The following ADGRL3 variants were observed in gnomAD, a reference collection of about 807,000 sequenced individuals.
ADGRL3 encodes calcium-independent alpha-latrotoxin receptor 3.
A neutral mutation model predicts 153.5 loss-of-function variants in ADGRL3; 62 were observed. The ratio of observed to expected loss-of-function variants is 0.40; its 90% confidence interval spans 0.33 to 0.50. The LOEUF is 0.50. ADGRL3 is among the 20% of genes least tolerant of loss of function. ADGRL3 has a pLI of 0.47. For synonymous variants in ADGRL3, 710 were observed against 672.5 expected (o/e 1.06, Z -0.86); for missense variants, 1,641 against 1,859.4 (o/e 0.88, Z 2.16).
intron 17 of ADGRL3, among the ~76,000 whole-genome samples, chr4:61,949,587 C>T (rs1302986606): frequency 1.3e-5 from 2 of 151,742 alleles, no homozygotes; most frequent in Non-Finnish European, 2.9e-5. Context: ...CCCAGCTACT[C>T]GGGAGGCTGA....
chr4:61,474,179 T>G (rs2098011541), intron 2 of ADGRL3, among the ~76,000 whole-genome samples: 1 of 152,206 alleles, frequency 6.6e-6, no homozygotes, highest in African/African-American at 2.4e-5. Context: ...GCACTGAGAA[T>G]GTAAGACAAC....
chr4:61,568,280 A>G (rs1056416628), intron 4 of ADGRL3, among the ~76,000 whole-genome samples: 4 of 152,114 alleles, frequency 2.6e-5, no homozygotes, highest in African/African-American at 9.7e-5. Flanking sequence ...CAAAATAAGA[A>G]TTATGATAAT....
rs767390849 is a variant in ADGRL3, at chr4:61,979,603, C to T, written c.2846C>T (p.Thr949Met). 7 of 1,613,770 alleles carry T rather than the reference C, an allele frequency of 4.3e-6. No individual in the cohort carries two copies. Among genetic ancestry groups the T allele is most frequent in the Admixed American group, 1.7e-5 (1 of 59,990 alleles). The change falls in exon 18 of 27, where the codon ACG (threonine) becomes ATG (methionine). Residue 949 changes from threonine to methionine, a missense_variant. By Grantham distance (81) the Thr-to-Met change is moderately conservative. Coordinates refer to ENST00000683033, the MANE Select transcript of ADGRL3 (RefSeq NM_001387552.1). ...CATGACCTCCTTCTGGATGTGATCA[C>T]GTGGGTTGGAATTTTGCTGTCCCTT... Reference protein sequence around the residue: ...AVHDLLLDVITWVGILLSLVC... With the variant: ...AVHDLLLDVIMWVGILLSLVC...
At chr4:61,292,011 T>C (rs1257678722) in intron 1 of ADGRL3, among the ~76,000 whole-genome samples, 5 of 151,042 alleles carry the variant, frequency 3.3e-5, no homozygotes, top group Non-Finnish European at 5.9e-5. Flanking sequence ...TTTTAATCAC[T>C]ATTAAAAGGA....
intron 1 of ADGRL3, among the ~76,000 whole-genome samples, chr4:61,233,565 G>C (rs1336977081): frequency 1.3e-5 from 2 of 152,138 alleles, no homozygotes; most frequent in African/African-American, 2.4e-5. Context: ...TTTGAACAAA[G>C]AGTTGAAGGA....
At chr4:61,924,719 G>A (rs971821465) in intron 13 of ADGRL3, among the ~76,000 whole-genome samples, 1 of 152,098 alleles carries the variant, frequency 6.6e-6, no homozygotes, top group African/African-American at 2.4e-5. Flanking sequence ...TGTTCCCTCT[G>A]ATTGGAATGC....
At chr4:61,878,539 A>G (rs192445361) in intron 9 of ADGRL3, among the ~76,000 whole-genome samples, 7 of 152,350 alleles carry the variant, frequency 4.6e-5, no homozygotes, top group African/African-American at 1.4e-4. Flanking sequence ...TTGTAGTAGA[A>G]CAGACATATT....
chr4:61,709,579 T>C (rs945008543), intron 6 of ADGRL3, among the ~76,000 whole-genome samples: 2 of 152,176 alleles, frequency 1.3e-5, no homozygotes, highest in African/African-American at 2.4e-5. Context: ...AGAAAGATTA[T>C]ATATAATTCA....
chr4:61,631,453 C>T (rs899602125), intron 5 of ADGRL3, among the ~76,000 whole-genome samples: 1 of 152,126 alleles, frequency 6.6e-6, no homozygotes, highest in African/African-American at 2.4e-5. Context: ...AACCAAGGAA[C>T]CCTTTTCATC....
In ADGRL3 at chr4:61,912,810, A is replaced by G. The variant is rs1043006676; in HGVS notation, c.2112+53A>G. The G allele has an allele frequency of 2.1e-6, 3 of 1,458,174 alleles. No individual in the cohort carries two copies. The Admixed American group carries it at 5.1e-5, about 25-fold the overall frequency. 90.3% of individuals were successfully genotyped at this position (1,458,174 alleles called of 1,614,324 possible). On this transcript the variant is annotated intron_variant, in intron 13 of 26. Transcript: ENST00000683033. Reference sequence around the variant, plus strand: ...TAAGTTGTTGAATGTCTCTGTTGTGATGGCATGAATGGACACCTGATAGAA... The same window carrying G: ...TAAGTTGTTGAATGTCTCTGTTGTGGTGGCATGAATGGACACCTGATAGAA...
At chr4:61,349,159 T>C (rs1009098921) in intron 1 of ADGRL3, among the ~76,000 whole-genome samples, 7 of 152,072 alleles carry the variant, frequency 4.6e-5, no homozygotes, top group African/African-American at 1.7e-4. Flanking sequence ...ATGTGTAAAA[T>C]TGGCAGGACT....
chr4:61,507,043 A>T (rs2098435371), intron 3 of ADGRL3, among the ~76,000 whole-genome samples: 1 of 152,216 alleles, frequency 6.6e-6, no homozygotes, highest in African/African-American at 2.4e-5. Flanking sequence ...AAACATAAAC[A>T]TTACCTGAAT....
At chr4:61,498,472 C>T (rs539283449) in intron 3 of ADGRL3, among the ~76,000 whole-genome samples, 12 of 152,010 alleles carry the variant, frequency 7.9e-5, no homozygotes, top group Non-Finnish European at 1.5e-4. Context: ...ATGGCGTAAA[C>T]CCGGGAGGCA....
At chr4:61,223,903 G>A (rs573171557) in intron 1 of ADGRL3, among the ~76,000 whole-genome samples, 50 of 151,990 alleles carry the variant, frequency 3.3e-4, no homozygotes, top group African/African-American at 1.2e-3. Context: ...TAAAATGCTA[G>A]GTAAGTGTCT....
chr4:61,656,324 A>C (rs189198449), intron 5 of ADGRL3, among the ~76,000 whole-genome samples: 211 of 152,246 alleles, frequency 1.4e-3, no homozygotes, highest in African/African-American at 5.0e-3. Context: ...CCATTTGTTG[A>C]GTGAAAAAGA....
intron 17 of ADGRL3, among the ~76,000 whole-genome samples, chr4:61,971,496 T>G (rs10010900): frequency 0.018 from 2,766 of 152,302 alleles, 87 homozygotes; most frequent in African/African-American, 0.064. Context: ...CTCATCATTT[T>G]TTATGGCTGC....
rs1217591216 is a variant in ADGRL3 at position 61,701,608 on chromosome 4, A to AT, written c.583+24681dup. ...CCACCATGCCTGGCTAATTTTTTGT[A>AT]TTTTTTTTAGTAGAGATGGGGTTTC... On this transcript the variant is annotated intron_variant, in intron 6 of 26. Coordinates refer to ENST00000683033, the MANE Select transcript of ADGRL3 (RefSeq NM_001387552.1). Among the ~76,000 whole-genome samples, 7 of 150,104 alleles carry AT rather than the reference A, an allele frequency of 4.7e-5. No homozygotes were observed. The East Asian group carries it at 7.9e-4, about 17-fold the overall frequency.
chr4:61,716,613 G>T (rs571815700), intron 6 of ADGRL3, among the ~76,000 whole-genome samples: 1 of 152,148 alleles, frequency 6.6e-6, no homozygotes, highest in Admixed American at 6.5e-5. Flanking sequence ...GCACTGTTCA[G>T]TGACAGGACC....
chr4:62,063,937 A>T (rs1176012124), intron 25 of ADGRL3, among the ~76,000 whole-genome samples: 1 of 152,118 alleles, frequency 6.6e-6, no homozygotes, highest in Non-Finnish European at 1.5e-5. Flanking sequence ...TATATTAAAT[A>T]TCTATGTATT....
Sources: allele counts gnomAD v4.1 joint callset (sites outside exome capture counted in the v4.1 genomes callset), GRCh38; gene constraint gnomAD v4.1.1; transcripts MANE v1.5; gene names NCBI Gene and HGNC (gene_info 2026-07-23, HGNC 2026-07-21).